The following CAMK1D variants were observed in gnomAD, a reference collection of about 807,000 sequenced individuals.
CAMK1D encodes the protein calcium/calmodulin dependent protein kinase ID.
CAMK1D carries 9 observed loss-of-function variants against 47.7 expected under a neutral mutation model. That is an observed-to-expected ratio of 0.19 (90% CI 0.11 to 0.33). The LOEUF (loss-of-function observed/expected upper bound fraction) is 0.33. CAMK1D is among the 10% of genes least tolerant of loss of function. The pLI is 1.00. For synonymous variants in CAMK1D, 184 were observed against 184.9 expected, an observed-to-expected ratio of 0.99 and a Z score of 0.04; for missense variants, 291 against 488.7, an observed-to-expected ratio of 0.60 and a Z score of 3.81.
chr10:12,796,645 G>C (rs1838207899), intron 6 of CAMK1D, among the ~76,000 whole-genome samples: 1 of 152,082 alleles, frequency 6.6e-6, no homozygotes, highest in Admixed American at 6.5e-5. Context: ...GGGGGGTCGT[G>C]ATGGCTGTTA....
chr10:12,507,350 ATT>A (rs1564379286), intron 1 of CAMK1D, among the ~76,000 whole-genome samples: 2,656 of 152,266 alleles, frequency 0.017, 80 homozygotes, highest in African/African-American at 0.06. Flanking sequence ...TGCTTAGAGG[ATT>A]CTGTCCTTAG....
chr10:12,458,579 A>G (rs999565582), intron 1 of CAMK1D, among the ~76,000 whole-genome samples: 2 of 151,626 alleles, frequency 1.3e-5, no homozygotes, highest in African/African-American at 2.4e-5. Flanking sequence ...GTCATGCCCA[A>G]CTAATTTTAT....
At chr10:12,769,512 G>A (rs1170632492) in intron 4 of CAMK1D, among the ~76,000 whole-genome samples, 161 bp from the exon 5 acceptor site, 1 of 152,222 alleles carries the variant, frequency 6.6e-6, no homozygotes, top group East Asian at 1.9e-4. Context: ...CGGGCGCTCT[G>A]CACTGTTTCT....
chr10:12,672,142 C>G (rs1840641382), intron 3 of CAMK1D, among the ~76,000 whole-genome samples: 1 of 151,730 alleles, frequency 6.6e-6, no homozygotes, highest in African/African-American at 2.4e-5. Context: ...GTCTTGATCT[C>G]CTGACCTCGT....
chr10:12,726,008 C>T (rs1834613192), intron 3 of CAMK1D, among the ~76,000 whole-genome samples: 1 of 152,010 alleles, frequency 6.6e-6, no homozygotes, highest in Admixed American at 6.6e-5. Context: ...CTGCCCACCT[C>T]GGCCTCCCAA....
intron 1 of CAMK1D, among the ~76,000 whole-genome samples, chr10:12,391,449 C>T (rs188212146): frequency 5.3e-5 from 8 of 152,198 alleles, no homozygotes; most frequent in African/African-American, 1.7e-4. Context: ...CTGGGATCAC[C>T]GGTTGCTTTT....
At chr10:12,623,718 T>TC (rs201617622) in intron 2 of CAMK1D, among the ~76,000 whole-genome samples, 7 of 150,454 alleles carry the variant, frequency 4.7e-5, no homozygotes, top group East Asian at 2.0e-4. Context: ...TCCCTTTTTT[T>TC]CCCCCCCAAA....
In CAMK1D at chr10:12,547,560, TG is replaced by T. The variant is rs201383095; in HGVS notation, c.93-5664del. 8.5e-4 allele frequency among the ~76,000 whole-genome samples: 129 copies of T among 152,276 alleles called. 3 individuals are homozygous for T. The East Asian group carries it at 0.014, about 17-fold the overall frequency. On this transcript the variant is annotated intron_variant, in intron 1 of 10. Coordinates refer to ENST00000619168, the MANE Select transcript of CAMK1D (RefSeq NM_153498.4). ...GCTTTTGTTCTTTTGTCCCTTGGAA[TG>T]TATGTTCTTGGGTTGGGGGAAGTCT...
intron 1 of CAMK1D, among the ~76,000 whole-genome samples, chr10:12,511,714 T>A (rs2132164887): frequency 6.6e-6 from 1 of 152,386 alleles, no homozygotes; most frequent in East Asian, 1.9e-4. Context: ...ATTTGTTTGC[T>A]TTAAATCAGT....
intron 1 of CAMK1D, among the ~76,000 whole-genome samples, chr10:12,408,795 A>G (rs531962751): frequency 3.2e-4 from 48 of 149,646 alleles, no homozygotes; most frequent in Admixed American, 1.3e-3. Context: ...TTGTCAGGTG[A>G]TATAGGCGTC....
intron 1 of CAMK1D, among the ~76,000 whole-genome samples, chr10:12,352,215 A>G (rs1837373823): frequency 6.6e-6 from 1 of 152,232 alleles, no homozygotes; most frequent in Non-Finnish European, 1.5e-5. Context: ...GATTGTCCAT[A>G]CAGGGTTGAC....
rs75872664 is a variant in CAMK1D, at chr10:12,783,708, C to T, written c.566-7450C>T. Among the ~76,000 whole-genome samples, 692 of 152,238 alleles carry T rather than the reference C, an allele frequency of 4.5e-3. 3 individuals are homozygous for T. The highest frequency in any genetic ancestry group is 0.016 in the African/African-American group (660 of 41,544). On this transcript the variant is annotated intron_variant, in intron 5 of 10. Transcript: ENST00000619168. ...ATGGGCAATTTAATTGTTTTAAAAA[C>T]AAGATGAAAGGTTTCTGAAACTCTT...
intron 3 of CAMK1D, among the ~76,000 whole-genome samples, chr10:12,728,862 C>G (rs1474734751): frequency 5.3e-5 from 8 of 152,220 alleles, no homozygotes; most frequent in African/African-American, 1.7e-4. Flanking sequence ...CCGTTGCTCC[C>G]TCTTCAGGCT....
intron 1 of CAMK1D, among the ~76,000 whole-genome samples, chr10:12,539,357 T>C (rs1272223642): frequency 6.6e-6 from 1 of 152,174 alleles, no homozygotes; most frequent in Non-Finnish European, 1.5e-5. Context: ...TGTTGAGACA[T>C]CTGCCCTGAA....
intron 2 of CAMK1D, among the ~76,000 whole-genome samples, chr10:12,647,121 G>T (rs897946551): frequency 7.2e-6 from 1 of 138,896 alleles, no homozygotes; most frequent in Non-Finnish European, 1.5e-5. Flanking sequence ...GATTATAGAC[G>T]TGAGCCTCCT....
chr10:12,693,932 C>T (rs1443046309), intron 3 of CAMK1D, among the ~76,000 whole-genome samples: 3 of 78,036 alleles, frequency 3.8e-5, no homozygotes, highest in African/African-American at 1.5e-4. Flanking sequence ...ATATATATAA[C>T]ATATATAAAA....
chr10:12,806,671 C>T (rs1040587141), intron 6 of CAMK1D, among the ~76,000 whole-genome samples: 2 of 152,204 alleles, frequency 1.3e-5, no homozygotes, highest in Non-Finnish European at 2.9e-5. Flanking sequence ...TCAAAGTCAC[C>T]AACTGAGCAG....
chr10:12,431,833 A>G (rs1022800073), intron 1 of CAMK1D, among the ~76,000 whole-genome samples: 1 of 152,328 alleles, frequency 6.6e-6, no homozygotes, highest in Admixed American at 6.5e-5. Flanking sequence ...ACCTTCTCAC[A>G]TCCGCAGAGG....
intron 8 of CAMK1D, among the ~76,000 whole-genome samples, chr10:12,823,408 CTG>C (rs1833084766): frequency 6.6e-6 from 1 of 152,084 alleles, no homozygotes; most frequent in Non-Finnish European, 1.5e-5. Flanking sequence ...CCAGGAAAGA[CTG>C]GGAGCAGAGC....
Sources: gnomAD v4.1 joint callset for allele counts (sites outside exome capture counted in the v4.1 genomes callset) on GRCh38, gnomAD v4.1.1 for gene constraint, MANE v1.5 for transcripts, NCBI Gene and HGNC (gene_info 2026-07-23, HGNC 2026-07-21) for gene names.